MAP3K15: variants seen among roughly 807,000 people sequenced by gnomAD.
The protein encoded by MAP3K15 is MAPK/ERK kinase kinase 15.
Under a neutral mutation model 99.5 loss-of-function variants are expected in MAP3K15, and 124 were observed. The ratio of observed to expected loss-of-function variants is 1.25; its 90% CI spans 1.08 to 1.45. The LOEUF is 1.45. MAP3K15 is among the 40% of genes most tolerant of loss of function. The probability of loss-of-function intolerance (pLI) is 0.00; values close to 1 mark genes in which losing one functional copy is unlikely to be tolerated. For synonymous variants in MAP3K15, 494 were observed against 439.6 expected (o/e 1.12, Z -1.55); for missense variants, 1,242 against 1,079.7 (o/e 1.15, Z -2.11).
At chrX:19,506,354 G>A (rs1384128720) in intron 1 of MAP3K15, among the ~76,000 whole-genome samples, 1 of 111,565 alleles carries the variant, frequency 9.0e-6, no homozygotes, top group African/African-American at 3.3e-5. Flanking sequence ...AGAGGCGTGA[G>A]CCACCACACC....
Position 19,398,358 on chromosome X carries a change from T to A in MAP3K15, c.1934A>T (p.Tyr645Phe), listed in dbSNP as rs375445657. 1.2e-5 allele frequency: 15 copies of A among 1,208,698 alleles called. No homozygotes were observed. The African/African-American group carries it at 2.5e-4, about 20-fold the overall frequency. The change falls in exon 15 of 29, where the codon TAT becomes TTT. Residue 645 changes from tyrosine (Y) to phenylalanine (F), a missense_variant and splice_region_variant. By Grantham distance (22) the Tyr-to-Phe change is conservative (BLOSUM62 3). Transcript: ENST00000338883. ...ACCATTTGCATCATGGTCATACTCA[T>A]ACTGAAGAAGGAAAAACAAAAGGAC... ...EGETDGDTLEYEYDHDANGER... is the reference protein window; with the variant it reads ...EGETDGDTLEFEYDHDANGER...
intron 1 of MAP3K15, among the ~76,000 whole-genome samples, chrX:19,511,138 C>T (rs1330716070): frequency 3.6e-5 from 4 of 111,542 alleles, no homozygotes; most frequent in Non-Finnish European, 5.6e-5. Flanking sequence ...TGAAACTGGA[C>T]CCCTTTCTTA....
chrX:19,392,555 C>T (rs1569208471), intron 16 of MAP3K15, 82 bp from the exon 17 acceptor site: 26 of 974,074 alleles, frequency 2.7e-5, no homozygotes, highest in Non-Finnish European at 3.5e-5. Flanking sequence ...GGTGAGGTTT[C>T]TAACCTAACC....
At chrX:19,463,816 T>C (rs1447873009) in intron 4 of MAP3K15, among the ~76,000 whole-genome samples, 1 of 110,478 alleles carries the variant, frequency 9.1e-6, no homozygotes, top group Non-Finnish European at 1.9e-5. Flanking sequence ...CTGAGATATA[T>C]GAAGAGCCCC....
At chrX:19,496,361 C>A (rs2064402299) in intron 1 of MAP3K15, 2 of 111,564 alleles carry the variant, frequency 1.8e-5, no homozygotes, top group African/African-American at 6.5e-5. Flanking sequence ...GCCACCACGC[C>A]TGGCCACCAT....
intron 25 of MAP3K15, among the ~76,000 whole-genome samples, chrX:19,363,314 C>T (rs1221004461): frequency 8.9e-6 from 1 of 112,120 alleles, no homozygotes; most frequent in East Asian, 2.8e-4. Context: ...AATGGGGAAG[C>T]AGGCCCTCAC....
chrX:19,447,855 G>C (rs1268575383), intron 6 of MAP3K15, among the ~76,000 whole-genome samples: 1 of 71,378 alleles, frequency 1.4e-5, no homozygotes, highest in African/African-American at 5.0e-5. Flanking sequence ...CTGCACTCCA[G>C]CCTGGGCGAC....
intron 6 of MAP3K15, among the ~76,000 whole-genome samples, chrX:19,449,146 C>T (rs1376287399): frequency 9.1e-6 from 1 of 109,864 alleles, no homozygotes. Flanking sequence ...TGGCACTCGC[C>T]CTGTTGACTC....
At chrX:19,504,130 G>A (rs1475426742) in intron 1 of MAP3K15, among the ~76,000 whole-genome samples, 3 of 105,923 alleles carry the variant, frequency 2.8e-5, no homozygotes. Context: ...GGGGAGGTGA[G>A]GGGAGGGGAG....
At position 19,424,193 on chromosome X, in the gene MAP3K15, T is replaced by TAC. The variant is rs201957217; in HGVS notation, c.1439+1336_1439+1337dup. On this transcript the variant is annotated intron_variant, in intron 9 of 28. Coordinates refer to ENST00000338883, the MANE Select transcript of MAP3K15 (RefSeq NM_001001671.4). ...GTCCTTCCAGCAAATCATGTATATA[T>TAC]ACACACACACACACACATATATACA... Among the ~76,000 whole-genome samples, 488 of 106,628 alleles carry TAC rather than the reference T, an allele frequency of 4.6e-3. 1 individual carries two copies. The highest frequency in any genetic ancestry group is 9.2e-3 in the African/African-American group (269 of 29,113). 92.6% of individuals were successfully genotyped at this position (106,628 alleles called of 115,157 possible).
intron 1 of MAP3K15, among the ~76,000 whole-genome samples, chrX:19,495,380 A>G (rs2064393927): frequency 9.0e-6 from 1 of 111,612 alleles, no homozygotes; most frequent in African/African-American, 3.3e-5. Context: ...CAGTGTTAGG[A>G]CATCAGCAAG....
chrX:19,511,897 AG>A (rs1218160535), intron 1 of MAP3K15, among the ~76,000 whole-genome samples: 1 of 112,410 alleles, frequency 8.9e-6, no homozygotes, highest in African/African-American at 3.2e-5. Flanking sequence ...TATTTACAAT[AG>A]CAAAGACTTG....
chrX:19,459,481 A>C (rs2147355720), intron 5 of MAP3K15, among the ~76,000 whole-genome samples: 1 of 112,095 alleles, frequency 8.9e-6, no homozygotes, highest in African/African-American at 3.2e-5. Context: ...ATGTGACAAA[A>C]CCTTCTCCAA....
chrX:19,380,900 C>T (rs760439150), intron 18 of MAP3K15, among the ~76,000 whole-genome samples: 2 of 112,254 alleles, frequency 1.8e-5, no homozygotes, highest in African/African-American at 3.2e-5. Flanking sequence ...ACTGCCTGGC[C>T]CATCAAAGGA....
At chrX:19,444,612 C>T (rs932667114) in intron 6 of MAP3K15, among the ~76,000 whole-genome samples, 2 of 111,765 alleles carry the variant, frequency 1.8e-5, no homozygotes, top group Admixed American at 9.5e-5. Flanking sequence ...TAACAGATCT[C>T]GAAGTGTACA....
intron 13 of MAP3K15, among the ~76,000 whole-genome samples, chrX:19,406,632 G>A (rs2063649899): frequency 8.9e-6 from 1 of 112,519 alleles, no homozygotes; most frequent in East Asian, 2.8e-4. Flanking sequence ...TGGGGGTGAC[G>A]AAAATATTCT....
chrX:19,394,120 C>T (rs145677378), intron 16 of MAP3K15, among the ~76,000 whole-genome samples: 10,683 of 110,658 alleles, frequency 0.097, 1,090 homozygotes, highest in African/African-American at 0.31. Flanking sequence ...CCTGTAATAG[C>T]AGACTCTTAA....
At chrX:19,513,849 G>C (rs141773145) in intron 1 of MAP3K15, among the ~76,000 whole-genome samples, 1 of 110,740 alleles carries the variant, frequency 9.0e-6, no homozygotes, top group African/African-American at 3.3e-5. Context: ...GGGAAAAAAC[G>C]TCAAGCAACA....
At chrX:19,449,435 T>C (rs2064022547) in intron 6 of MAP3K15, among the ~76,000 whole-genome samples, 1 of 109,756 alleles carries the variant, frequency 9.1e-6, no homozygotes, top group Admixed American at 9.7e-5. Flanking sequence ...TGCCTCCCTG[T>C]AAATCAGTGG....
Sources: allele counts gnomAD v4.1 joint callset (sites outside exome capture counted in the v4.1 genomes callset), GRCh38; gene constraint gnomAD v4.1.1; transcripts MANE v1.5; gene names NCBI Gene and HGNC (gene_info 2026-07-23, HGNC 2026-07-21).